Variants in ABCA10 observed in about 807,000 individuals in gnomAD.
The protein encoded by ABCA10 is ATP-binding cassette sub-family A member 10.
In ABCA10, 169 loss-of-function variants were observed where a neutral mutation model predicts 187.5. The observed-to-expected ratio is 0.90, with a 90% CI of 0.80 to 1.02. The LOEUF is 1.02. Among genes scored for constraint, ABCA10 ranks in the 50% least tolerant of loss-of-function variants. ABCA10 has a pLI of 0.00. For synonymous variants in ABCA10, 574 were observed against 601.8 expected, an observed-to-expected ratio of 0.95 and a Z score of 0.68; for missense variants, 1,727 against 1,812.4, an observed-to-expected ratio of 0.95 and a Z score of 0.86.
Position 69,174,679 on chromosome 17 carries a change from G to A in ABCA10, c.2976C>T (p.Leu992=). Residue 992 remains leucine, a synonymous_variant, in exon 24 of 39, where the codon CTC becomes CTT. Coordinates refer to ENST00000690296, the MANE Select transcript of ABCA10 (RefSeq NM_001377321.1). ...AGTAGTAAATTAAATGTATTGAAAA[G>A]AGAATCAAGAAGTATAATGGAATGT... The part of the protein sequence containing the change: ...LVDIPLYFLI[L]FSIHLIYYFI... 2 of 1,611,942 alleles carry A rather than the reference G, an allele frequency of 1.2e-6. No individual in the cohort carries two copies. Among genetic ancestry groups the A allele is most frequent in the South Asian group, 1.1e-5 (1 of 90,866 alleles).
At chr17:69,159,699 A>T (rs2074200270) in intron 27 of ABCA10, among the ~76,000 whole-genome samples, 1 of 152,168 alleles carries the variant, frequency 6.6e-6, no homozygotes, top group South Asian at 2.1e-4. Context: ...TTTTCAAAAT[A>T]AAATCATTCC....
chr17:69,150,078 A>G lies in ABCA10; in HGVS notation c.4398-15T>C, dbSNP rs2074117080. On this transcript the variant is annotated splice_polypyrimidine_tract_variant and intron_variant, in intron 36 of 38. Coordinates refer to ENST00000690296, the MANE Select transcript of ABCA10 (RefSeq NM_001377321.1). ...AAGAGGAATATCTGTCAGGAAGAAG[A>G]GTGAGATTTATTACTAAGTTTCAGT... The G allele has an allele frequency of 6.3e-7, 1 of 1,585,938 alleles. No individual in the cohort carries two copies. Among genetic ancestry groups the G allele is most frequent in the Non-Finnish European group, 8.6e-7 (1 of 1,158,018 alleles).
Position 69,155,148 on chromosome 17 carries a change from G to T in ABCA10, c.3577-12C>A. ...GTTATGACTGGTTCCTGGAAAACAT[G>T]ACAAAGCATGATTTCCCTGTTAAAT... On this transcript the variant is annotated splice_polypyrimidine_tract_variant and intron_variant, in intron 29 of 38. Transcript: ENST00000690296. 2 of 1,542,642 alleles carry T rather than the reference G, an allele frequency of 1.3e-6. No individual in the cohort carries two copies. Among genetic ancestry groups the T allele is most frequent in the South Asian group, 1.2e-5 (1 of 86,830 alleles).
intron 27 of ABCA10, 88 bp downstream of exon 27, chr17:69,163,986 A>T (rs2074237230): frequency 1.0e-6 from 1 of 985,544 alleles, no homozygotes; most frequent in Non-Finnish European, 1.4e-6. Context: ...GTATTTTAAG[A>T]CATTTAAATT....
chr17:69,225,257 T>C, intron 3 of ABCA10, 68 bp downstream of exon 3: 1 of 1,564,082 alleles, frequency 6.4e-7, no homozygotes, highest in Non-Finnish European at 8.8e-7. Context: ...GTAAGTAAAT[T>C]CAACCTGCAA....
chr17:69,155,052 C>T lies in ABCA10; in HGVS notation c.3661G>A (p.Ala1221Thr), dbSNP rs370449985. 1.7e-5 allele frequency: 28 copies of T among 1,607,494 alleles called. No individual in the cohort carries two copies. The highest frequency in any genetic ancestry group is 3.3e-4 in the Middle Eastern group (2 of 6,048). ...ACACAAAAGGAAACATTTCTGATGG[C>T]TATTTTCTTCTTTCTTGTTGAAAAG... ...SCFSTRKKKIAIRNVSFCVKK... is the reference protein window; with the variant it reads ...SCFSTRKKKITIRNVSFCVKK... The change falls in exon 30 of 39, where the codon GCC becomes ACC. Residue 1221 changes from alanine to threonine, a missense_variant. Coordinates refer to ENST00000690296, the MANE Select transcript of ABCA10 (RefSeq NM_001377321.1).
intron 11 of ABCA10, chr17:69,196,282 T>C: frequency 5.9e-6 from 1 of 169,106 alleles, no homozygotes; most frequent in Non-Finnish European, 1.2e-5. Flanking sequence ...GAGGGGCTCC[T>C]CACTTCTCAG....
upstream of ABCA10, chr17:69,232,906 T>C (rs558615413): frequency 1.3e-5 from 2 of 152,322 alleles, no homozygotes; most frequent in South Asian, 2.1e-4. Context: ...GCCTGTAAGG[T>C]TTCTGCTGGA....
intron 25 of ABCA10, among the ~76,000 whole-genome samples, chr17:69,165,767 G>T (rs2074250019): frequency 6.6e-6 from 1 of 151,988 alleles, no homozygotes; most frequent in African/African-American, 2.4e-5. Context: ...TTAGAAATTT[G>T]GGGGAAGATT....
intron 23 of ABCA10, among the ~76,000 whole-genome samples, 163 bp from the exon 24 acceptor site, chr17:69,174,940 G>A (rs1181059545): frequency 2.6e-5 from 4 of 152,160 alleles, no homozygotes; most frequent in African/African-American, 9.6e-5. Flanking sequence ...GAAATGTGTA[G>A]TTATTGGTTC....
At chr17:69,184,654 A>G (rs139808936) in intron 20 of ABCA10, among the ~76,000 whole-genome samples, 1 of 152,106 alleles carries the variant, frequency 6.6e-6, no homozygotes, top group African/African-American at 2.4e-5. Flanking sequence ...GAGATTCCTT[A>G]AAGAACTAAA....
rs551867311 is a variant in ABCA10, at chr17:69,219,993, G to A, written c.304-222C>T. Among the ~76,000 whole-genome samples the A allele has an allele frequency of 3.3e-5, 5 of 152,300 alleles. No homozygotes were observed. In the South Asian group the frequency reaches 1.0e-3, roughly 32 times the overall value. On this transcript the variant is annotated intron_variant, in intron 5 of 38. Coordinates refer to ENST00000690296, the MANE Select transcript of ABCA10 (RefSeq NM_001377321.1). ...AGGTCTGTCATGCATAATATACTGTGCTACGTAATGGGGAAACAGCAGCAA... is the reference window on the plus strand; with the variant it reads ...AGGTCTGTCATGCATAATATACTGTACTACGTAATGGGGAAACAGCAGCAA...
intron 9 of ABCA10, 60 bp from the exon 10 acceptor site, chr17:69,201,728 C>T: frequency 1.5e-6 from 2 of 1,310,566 alleles, no homozygotes; most frequent in South Asian, 1.7e-5. Flanking sequence ...TAAAAAGGGA[C>T]ATCTGTCCTT....
chr17:69,157,745 A>T (rs2074185181), intron 27 of ABCA10, among the ~76,000 whole-genome samples: 1 of 152,142 alleles, frequency 6.6e-6, no homozygotes, highest in Non-Finnish European at 1.5e-5. Flanking sequence ...GACTTTTCAA[A>T]ACAGTTGTCT....
chr17:69,242,743 G>A (rs562420772), intron 1 of ABCA10, among the ~76,000 whole-genome samples: 4 of 152,234 alleles, frequency 2.6e-5, no homozygotes, highest in East Asian at 3.9e-4. Context: ...CACTGCACCC[G>A]GTCTGAGGAA....
chr17:69,238,135 T>G (rs2074882962), intron 1 of ABCA10, among the ~76,000 whole-genome samples: 1 of 147,930 alleles, frequency 6.8e-6, no homozygotes. Flanking sequence ...GCACTCCAGC[T>G]TGGGCAACAG....
At chr17:69,159,659 A>T (rs1196844654) in intron 27 of ABCA10, among the ~76,000 whole-genome samples, 1 of 152,158 alleles carries the variant, frequency 6.6e-6, no homozygotes, top group Non-Finnish European at 1.5e-5. Flanking sequence ...GAAAAAAAGT[A>T]TCCAAAAATT....
chr17:69,216,342 T>C lies in ABCA10; in HGVS notation c.547A>G (p.Thr183Ala). 1 of 1,612,646 alleles carries C rather than the reference T, an allele frequency of 6.2e-7. No individual in the cohort carries two copies. ...ATAATGAAGATGAAGCAAATGTATG[T>C]CAATCCCCAGGAGAGCCTATAGTAG... is the stretch of plus-strand genomic sequence containing the variant. ...ESAFWLSWGL[T>A]YICFIFIMSI... The change falls in exon 7 of 39, where the codon ACA becomes GCA. Residue 183 changes from threonine to alanine, a missense_variant. Thr to Ala is a moderately conservative substitution (Grantham distance 58). Transcript: ENST00000690296.
At position 69,153,816 on chromosome 17, in the gene ABCA10, G is replaced by C. The variant is rs760059626; in HGVS notation, c.3965+15C>G. ...CCCTTCCTCCTGCTACAAATTGTGA[G>C]ACTTCTCTCTGTACCGTGAAATACT... On this transcript the variant is annotated intron_variant, in intron 32 of 38. Coordinates refer to ENST00000690296, the MANE Select transcript of ABCA10 (RefSeq NM_001377321.1). The C allele has an allele frequency of 1.1e-5, 17 of 1,590,582 alleles. No homozygotes were observed. The highest frequency in any genetic ancestry group is 1.8e-5 in the Admixed American group (1 of 55,484).
Sources: allele counts gnomAD v4.1 joint callset (sites outside exome capture counted in the v4.1 genomes callset), GRCh38; gene constraint gnomAD v4.1.1; transcripts MANE v1.5; gene names NCBI Gene and HGNC (gene_info 2026-07-23, HGNC 2026-07-21).